BTG4: variants seen among roughly 807,000 people sequenced by gnomAD.
BTG4 encodes protein BTG4.
Under a neutral mutation model 19.3 loss-of-function variants are expected in BTG4, and 10 were observed. The ratio of observed to expected loss-of-function variants is 0.52; its 90% CI spans 0.32 to 0.88. The LOEUF (loss-of-function observed/expected upper bound fraction) is 0.88. Among genes scored for constraint, BTG4 ranks in the 40% least tolerant of loss-of-function variants. The pLI, the probability that BTG4 is intolerant of heterozygous loss-of-function variation, is 0.04. For missense variants in BTG4, 238 were observed against 281.9 expected, an observed-to-expected ratio of 0.84 and a Z score of 1.11; for synonymous variants, 91 against 95.7, an observed-to-expected ratio of 0.95 and a Z score of 0.29.
downstream of BTG4, chr11:111,464,615 A>G (rs995500129): frequency 6.6e-6 from 1 of 152,252 alleles, no homozygotes. Context: ...GAAAACAGAC[A>G]TCTGGTCCCA....
chr11:111,458,320 G>A, the BTG4 span: 1 of 152,368 alleles, frequency 6.6e-6, no homozygotes, highest in Non-Finnish European at 1.5e-5. Flanking sequence ...TAAGCTCAGG[G>A]ACAGGGCTGC....
the BTG4 span, among the ~76,000 whole-genome samples, chr11:111,456,073 G>A: frequency 6.6e-6 from 1 of 152,202 alleles, no homozygotes. This position sits in a 1 kb window ranked among gnomAD's most constrained non-coding sequence, Gnocchi z 4.2. Context: ...AGAAGAAGGA[G>A]CCTCGAAAGT....
At chr11:111,385,584 A>T in the BTG4 span, 1 of 152,092 alleles carries the variant, frequency 6.6e-6, no homozygotes, top group South Asian at 2.1e-4. Flanking sequence ...ATAATAATAT[A>T]TTATAATATG....
chr11:111,388,240 T>C, the BTG4 span, among the ~76,000 whole-genome samples: 12 of 152,064 alleles, frequency 7.9e-5, no homozygotes, highest in African/African-American at 2.9e-4. Flanking sequence ...GCCCCACTTG[T>C]AGAGAACCTG....
At chr11:111,454,241 A>G in the BTG4 span, 1 of 455,290 alleles carries the variant, frequency 2.2e-6, no homozygotes, top group Non-Finnish European at 4.4e-6. Context: ...CACAGGTGGG[A>G]GCTGGGAGGC....
At chr11:111,498,968 A>C (rs1434074820) in intron 1 of BTG4, among the ~76,000 whole-genome samples, 166 bp from the exon 2 acceptor site, 1 of 152,176 alleles carries the variant, frequency 6.6e-6, no homozygotes, top group Non-Finnish European at 1.5e-5. Context: ...ACTATCAATC[A>C]ACATAACAGC....
the BTG4 span, among the ~76,000 whole-genome samples, chr11:111,436,777 T>A: frequency 1.3e-5 from 2 of 152,244 alleles, no homozygotes; most frequent in South Asian, 4.1e-4. Context: ...CCCTTCACCT[T>A]CCCGCGCCTG....
At chr11:111,481,067 A>C (rs1864710164) in intron 5 of BTG4, among the ~76,000 whole-genome samples, 1 of 151,796 alleles carries the variant, frequency 6.6e-6, no homozygotes, top group Non-Finnish European at 1.5e-5. Context: ...TTAAAAAGAA[A>C]GTGAAGACAC....
downstream of BTG4, chr11:111,463,208 G>A (rs1173310921): frequency 6.6e-6 from 1 of 152,636 alleles, no homozygotes; most frequent in East Asian, 1.9e-4. Flanking sequence ...GAGGAGATCT[G>A]TATTTCCATC....
the BTG4 span, among the ~76,000 whole-genome samples, chr11:111,427,393 C>T: frequency 3.9e-5 from 6 of 152,238 alleles, no homozygotes; most frequent in Non-Finnish European, 8.8e-5. Context: ...CACTGCCGAA[C>T]ACCCAGACAT....
the BTG4 span, chr11:111,415,876 T>C: frequency 6.6e-6 from 1 of 151,774 alleles, no homozygotes; most frequent in African/African-American, 2.4e-5. Flanking sequence ...CTGTCTCTAC[T>C]AAAAATCAAG....
chr11:111,420,186 C>T, the BTG4 span, among the ~76,000 whole-genome samples: 117 of 152,318 alleles, frequency 7.7e-4, no homozygotes, highest in African/African-American at 2.8e-3. Flanking sequence ...GGTGCAAAGT[C>T]CTGGAGGACT....
chr11:111,488,443 T>G (rs1325259303), intron 5 of BTG4, among the ~76,000 whole-genome samples: 1 of 152,158 alleles, frequency 6.6e-6, no homozygotes, highest in Non-Finnish European at 1.5e-5. Flanking sequence ...TATGTAGAAA[T>G]CCAGTAAAGA....
intron 5 of BTG4, among the ~76,000 whole-genome samples, chr11:111,474,659 T>C (rs1179708777): frequency 6.6e-6 from 1 of 152,168 alleles, no homozygotes; most frequent in African/African-American, 2.4e-5. Flanking sequence ...CATAACTATA[T>C]TTAGCCAGGT....
chr11:111,389,180 C>T, the BTG4 span, among the ~76,000 whole-genome samples: 1 of 152,186 alleles, frequency 6.6e-6, no homozygotes, highest in African/African-American at 2.4e-5. Context: ...GGGCTGGCAG[C>T]TGCACTGCTG....
At chr11:111,481,412 A>T (rs887046290) in intron 5 of BTG4, among the ~76,000 whole-genome samples, 2 of 151,824 alleles carry the variant, frequency 1.3e-5, no homozygotes, top group Non-Finnish European at 2.9e-5. Flanking sequence ...ATAGAAGAGC[A>T]TTACATTCTG....
downstream of BTG4, chr11:111,467,425 T>C (rs1863785584): frequency 2.2e-6 from 1 of 462,134 alleles, no homozygotes; most frequent in African/African-American, 2.0e-5. Context: ...TAAGCCTACT[T>C]ACCCTGTTGC....
chr11:111,411,533 G>C, the BTG4 span, among the ~76,000 whole-genome samples: 148,447 of 152,314 alleles, frequency 0.97, 72,491 homozygotes, highest in East Asian at 1. Context: ...ATCCCTTAAC[G>C]TGCTTTCTTT....
chr11:111,513,190 T>A (rs1867076136), upstream of BTG4, among the ~76,000 whole-genome samples: 1 of 152,202 alleles, frequency 6.6e-6, no homozygotes, highest in Non-Finnish European at 1.5e-5. Flanking sequence ...ACAGTTAAAC[T>A]GTTAGCTCTC....
Sources: gnomAD v4.1 joint callset for allele counts (sites outside exome capture counted in the v4.1 genomes callset) on GRCh38, gnomAD v4.1.1 for gene constraint, Gnocchi (gnomAD v3.1) non-coding constraint, MANE v1.5 for transcripts, NCBI Gene and HGNC (gene_info 2026-07-23, HGNC 2026-07-21) for gene names.